The following EVL variants were observed in gnomAD, a reference collection of about 807,000 sequenced individuals.
EVL encodes ena/VASP-like protein.
Under a neutral mutation model 59.6 loss-of-function variants are expected in EVL, and 21 were observed. That is an observed-to-expected ratio of 0.35 (90% CI 0.25 to 0.51). The LOEUF (loss-of-function observed/expected upper bound fraction) is 0.51, where lower values mean the gene tolerates loss of function less well. EVL is among the 20% of genes least tolerant of loss of function. The pLI is 0.97. For synonymous variants in EVL, 198 were observed against 203.5 expected, an observed-to-expected ratio of 0.97 and a Z score of 0.23; for missense variants, 462 against 546.6, an observed-to-expected ratio of 0.85 and a Z score of 1.54.
At position 99,986,671 on chromosome 14, in the gene EVL, A is replaced by G. The variant is rs1191014; in HGVS notation, c.5+14614A>G. 2.5e-3 allele frequency among the ~76,000 whole-genome samples: 377 copies of G among 152,328 alleles called. 6 individuals are homozygous for G. In the East Asian group the frequency reaches 0.049, roughly 20 times the overall value. On this transcript the variant is annotated intron_variant, in intron 1 of 13. Transcript: ENST00000402714. ...GATTTCTGGACTATGAATTGAAGAC[A>G]TGGTTTTCTACACATGTAGCCTAGT...
At chr14:100,119,197 T>C (rs1297605600) in intron 3 of EVL, among the ~76,000 whole-genome samples, 3 of 152,244 alleles carry the variant, frequency 2.0e-5, no homozygotes, top group African/African-American at 7.2e-5. Context: ...TGGGTTCTTT[T>C]ATTTTTCCTT....
At chr14:100,097,063 T>A (rs575068736) in intron 2 of EVL, 1 of 159,672 alleles carries the variant, frequency 6.3e-6, no homozygotes, top group Admixed American at 6.0e-5. Flanking sequence ...ATAAATAAGA[T>A]ACGTATCACA....
At chr14:100,054,316 G>A (rs1009099419) in intron 1 of EVL, among the ~76,000 whole-genome samples, 2 of 152,110 alleles carry the variant, frequency 1.3e-5, no homozygotes, top group Non-Finnish European at 1.5e-5. Flanking sequence ...GCCTCCCAAA[G>A]TGCTGGGAAT....
At chr14:100,053,132 T>C (rs931276859) in intron 1 of EVL, 1 of 152,222 alleles carries the variant, frequency 6.6e-6, no homozygotes, top group Non-Finnish European at 1.5e-5. Context: ...TCTCTAGTTA[T>C]AGTCACATTG....
intron 1 of EVL, among the ~76,000 whole-genome samples, chr14:100,031,700 G>T (rs2061317205): frequency 6.6e-6 from 1 of 152,202 alleles, no homozygotes; most frequent in Non-Finnish European, 1.5e-5. Flanking sequence ...TTTCACTCCA[G>T]TCAGCCAGTT....
intron 1 of EVL, among the ~76,000 whole-genome samples, chr14:100,047,145 T>TTTTTTTTTTTC (rs55650233): frequency 7.8e-6 from 1 of 128,006 alleles, no homozygotes; most frequent in African/African-American, 2.9e-5. Context: ...TTTTTTTTTT[T>TTTTTTTTTTTC]ACCTGACCCC....
intron 1 of EVL, among the ~76,000 whole-genome samples, chr14:100,010,804 G>A (rs1299889506): frequency 6.6e-6 from 1 of 152,190 alleles, no homozygotes; most frequent in Non-Finnish European, 1.5e-5. Flanking sequence ...GTGAAGATGA[G>A]GAAATTACGG....
intron 1 of EVL, among the ~76,000 whole-genome samples, chr14:99,996,502 C>A (rs2060915421): frequency 6.6e-6 from 1 of 152,126 alleles, no homozygotes; most frequent in African/African-American, 2.4e-5. Context: ...GACTTCAATT[C>A]TATTTCTCAA....
chr14:99,992,195 T>C (rs2060880055), intron 1 of EVL, among the ~76,000 whole-genome samples: 2 of 152,146 alleles, frequency 1.3e-5, no homozygotes, highest in East Asian at 1.9e-4. Context: ...GCTTTTCTCT[T>C]ATAATTACTG....
At chr14:99,997,785 TC>T (rs1404850283) in intron 1 of EVL, among the ~76,000 whole-genome samples, 2 of 152,220 alleles carry the variant, frequency 1.3e-5, no homozygotes, top group Non-Finnish European at 2.9e-5. Flanking sequence ...GCCCTACTCT[TC>T]ATTAAGCAGA....
chr14:100,084,593 G>A, intron 1 of EVL, 94 bp from the exon 2 acceptor site: 1 of 1,354,564 alleles, frequency 7.4e-7, no homozygotes, highest in Non-Finnish European at 1.0e-6. Context: ...GTTTCTTTAT[G>A]TCAAGTAGCA....
At chr14:99,990,841 T>C (rs2060870908) in intron 1 of EVL, among the ~76,000 whole-genome samples, 1 of 152,104 alleles carries the variant, frequency 6.6e-6, no homozygotes, top group Non-Finnish European at 1.5e-5. Flanking sequence ...CTCTTCAAGA[T>C]CCTACTTTGC....
chr14:99,979,563 T>C (rs1323304540), intron 1 of EVL, among the ~76,000 whole-genome samples: 2 of 152,100 alleles, frequency 1.3e-5, no homozygotes, highest in Admixed American at 6.6e-5. Flanking sequence ...GATGGAAATA[T>C]TTTTTTTAAA....
chr14:100,043,553 GAGA>G (rs1308040920), intron 1 of EVL, among the ~76,000 whole-genome samples: 2 of 151,706 alleles, frequency 1.3e-5, no homozygotes, highest in Non-Finnish European at 2.9e-5. Context: ...CCAGGGGCAG[GAGA>G]AGAAGTGTCC....
intron 1 of EVL, among the ~76,000 whole-genome samples, chr14:99,979,454 T>C (rs1233159160): frequency 1.3e-5 from 2 of 152,196 alleles, no homozygotes; most frequent in African/African-American, 2.4e-5. Context: ...AGTTATTGTT[T>C]TTCTAGAATT....
At chr14:100,006,789 G>C (rs1256215371) in intron 1 of EVL, among the ~76,000 whole-genome samples, 2 of 143,654 alleles carry the variant, frequency 1.4e-5, no homozygotes, top group African/African-American at 5.5e-5. Flanking sequence ...TGCCTTCTTT[G>C]TGTTGGAAGC....
chr14:100,050,419 G>A (rs991248047), intron 1 of EVL, among the ~76,000 whole-genome samples: 1 of 150,026 alleles, frequency 6.7e-6, no homozygotes, highest in Non-Finnish European at 1.5e-5. Context: ...GCGCGATCTC[G>A]GCTCACTGCC....
chr14:100,002,189 G>A (rs369567287), intron 1 of EVL, among the ~76,000 whole-genome samples: 3 of 152,096 alleles, frequency 2.0e-5, no homozygotes, highest in African/African-American at 7.2e-5. Context: ...TGATATCCAT[G>A]AACATTTCGC....
intron 1 of EVL, among the ~76,000 whole-genome samples, chr14:100,067,851 G>A (rs928766976): frequency 6.6e-6 from 1 of 152,220 alleles, no homozygotes; most frequent in Non-Finnish European, 1.5e-5. Context: ...AGAGTAATAA[G>A]CATAGACAGG....
Sources: allele counts gnomAD v4.1 joint callset (sites outside exome capture counted in the v4.1 genomes callset), GRCh38; gene constraint gnomAD v4.1.1; transcripts MANE v1.5; gene names NCBI Gene and HGNC (gene_info 2026-07-23, HGNC 2026-07-21).